The following GABRG3 variants were observed in gnomAD, a reference collection of about 807,000 sequenced individuals.
The protein encoded by GABRG3 is gamma-aminobutyric acid type A receptor subunit gamma3.
Under a neutral mutation model 48.8 loss-of-function variants are expected in GABRG3, and 25 were observed. The ratio of observed to expected loss-of-function variants is 0.51; its 90% CI spans 0.37 to 0.72. The LOEUF is 0.72. Ranked by LOEUF, GABRG3 falls within the 30% of genes least tolerant of loss-of-function variation. GABRG3 has a pLI of 0.00. For synonymous variants in GABRG3, 227 were observed against 217.6 expected, an observed-to-expected ratio of 1.04 and a Z score of -0.38; for missense variants, 394 against 577.9, an observed-to-expected ratio of 0.68 and a Z score of 3.26.
At chr15:27,168,682 C>T (rs1887462474) in intron 3 of GABRG3, among the ~76,000 whole-genome samples, 1 of 152,208 alleles carries the variant, frequency 6.6e-6, no homozygotes, top group South Asian at 2.1e-4. Flanking sequence ...TTCAGAAAGA[C>T]ATCTTATCCC....
chr15:27,364,165 G>T (rs748849869), intron 5 of GABRG3: 6 of 152,310 alleles, frequency 3.9e-5, no homozygotes, highest in South Asian at 4.1e-4. Context: ...GTTACATCAA[G>T]CTTGCATTAT....
At chr15:27,496,330 T>C (rs1890486419) in intron 6 of GABRG3, among the ~76,000 whole-genome samples, 1 of 152,212 alleles carries the variant, frequency 6.6e-6, no homozygotes. Flanking sequence ...CACAGGCTTT[T>C]TCTGGGATGT....
intron 5 of GABRG3, among the ~76,000 whole-genome samples, chr15:27,417,956 C>T (rs2140607256): frequency 6.6e-6 from 1 of 152,322 alleles, no homozygotes; most frequent in East Asian, 1.9e-4. Flanking sequence ...ATCCTATTTC[C>T]TGTGGGGCTT....
At chr15:27,276,377 T>C (rs1224103220) in intron 3 of GABRG3, among the ~76,000 whole-genome samples, 1 of 152,124 alleles carries the variant, frequency 6.6e-6, no homozygotes, top group Non-Finnish European at 1.5e-5. Context: ...GTGGTTTAGT[T>C]TCCCAGGCTG....
chr15:27,195,224 T>C (rs971859188), intron 3 of GABRG3, among the ~76,000 whole-genome samples: 3 of 152,246 alleles, frequency 2.0e-5, no homozygotes, highest in Admixed American at 6.5e-5. Context: ...ATCTGTATCA[T>C]CTTGATGTTG....
chr15:27,057,404 T>G (rs1398177442), intron 3 of GABRG3, among the ~76,000 whole-genome samples: 1 of 152,350 alleles, frequency 6.6e-6, no homozygotes, highest in South Asian at 2.1e-4. Context: ...TTACGGTGAT[T>G]TATGCCTCTG....
intron 2 of GABRG3, among the ~76,000 whole-genome samples, chr15:27,006,888 G>A (rs570438425): frequency 3.9e-4 from 59 of 151,140 alleles, no homozygotes; most frequent in African/African-American, 1.3e-3. Context: ...TGCCCAGGCC[G>A]GAGTGTGGTG....
At chr15:27,136,583 C>T (rs1016506835) in intron 3 of GABRG3, among the ~76,000 whole-genome samples, 2 of 152,116 alleles carry the variant, frequency 1.3e-5, no homozygotes, top group Non-Finnish European at 2.9e-5. Flanking sequence ...ACCATTTCTC[C>T]AGTGGATGAT....
chr15:27,017,485 T>G (rs1484915648), intron 2 of GABRG3, among the ~76,000 whole-genome samples: 3 of 152,174 alleles, frequency 2.0e-5, no homozygotes, highest in Non-Finnish European at 4.4e-5. Flanking sequence ...TTGCCTCTGT[T>G]GTGAGTCCAC....
intron 3 of GABRG3, among the ~76,000 whole-genome samples, chr15:27,277,142 G>A (rs1409807946): frequency 2.6e-5 from 4 of 152,250 alleles, no homozygotes; most frequent in Admixed American, 6.5e-5. Context: ...GGTTGGTGAT[G>A]AGGGCAGGTC....
chr15:26,990,216 G>T (rs1895222120), intron 2 of GABRG3, among the ~76,000 whole-genome samples: 1 of 152,174 alleles, frequency 6.6e-6, no homozygotes, highest in African/African-American at 2.4e-5. Flanking sequence ...TCTCTGTAGT[G>T]ATTTATTAAT....
intron 3 of GABRG3, among the ~76,000 whole-genome samples, chr15:27,037,664 A>G (rs2140694114): frequency 6.6e-6 from 1 of 152,272 alleles, no homozygotes; most frequent in African/African-American, 2.4e-5. Context: ...CCACTGTTTT[A>G]CTGGGGCCCA....
At chr15:27,366,993 C>A (rs994907748) in intron 5 of GABRG3, among the ~76,000 whole-genome samples, 1 of 152,172 alleles carries the variant, frequency 6.6e-6, no homozygotes, top group African/African-American at 2.4e-5. Context: ...CTTCCCTATC[C>A]CCTGGTGGTT....
chr15:27,471,332 G>T (rs2150840529), intron 5 of GABRG3, among the ~76,000 whole-genome samples: 1 of 152,298 alleles, frequency 6.6e-6, no homozygotes, highest in Middle Eastern at 3.4e-3. Flanking sequence ...GCCAATCTTA[G>T]GTTCCACTAT....
chr15:27,244,400 C>T (rs546981891), intron 3 of GABRG3, among the ~76,000 whole-genome samples: 22 of 152,208 alleles, frequency 1.4e-4, no homozygotes, highest in East Asian at 1.9e-4. Flanking sequence ...GGAGCATCTC[C>T]CCCAGGAGGT....
chr15:27,340,317 T>C (rs904752680), intron 5 of GABRG3, among the ~76,000 whole-genome samples: 3 of 152,150 alleles, frequency 2.0e-5, no homozygotes, highest in African/African-American at 2.4e-5. Context: ...GTAGACACAT[T>C]CTACACAGGC....
intron 3 of GABRG3, among the ~76,000 whole-genome samples, chr15:27,098,779 TA>T: frequency 6.6e-6 from 1 of 151,782 alleles, no homozygotes. Context: ...TCCAGAAACA[TA>T]AAAACCCTCA....
intron 2 of GABRG3, among the ~76,000 whole-genome samples, chr15:27,022,091 G>A (rs1422289043): frequency 6.6e-6 from 1 of 152,098 alleles, no homozygotes; most frequent in Non-Finnish European, 1.5e-5. Context: ...CATGCCCTAT[G>A]AACGCATGCT....
intron 3 of GABRG3, among the ~76,000 whole-genome samples, chr15:27,291,735 G>C (rs1268134039): frequency 6.6e-6 from 1 of 152,160 alleles, no homozygotes; most frequent in East Asian, 1.9e-4. Flanking sequence ...CGTCCTCAGT[G>C]GCAGAGTGGA....
Sources: gnomAD v4.1 joint callset for allele counts (sites outside exome capture counted in the v4.1 genomes callset) on GRCh38, gnomAD v4.1.1 for gene constraint, MANE v1.5 for transcripts, NCBI Gene and HGNC (gene_info 2026-07-23, HGNC 2026-07-21) for gene names.